Variants in DNTT observed in about 807,000 individuals in gnomAD.
DNTT encodes the protein DNA nucleotidylexotransferase, also known as nucleosidetriphosphate:DNA deoxynucleotidylexotransferase.
Under a neutral mutation model 60.9 loss-of-function variants are expected in DNTT, and 47 were observed. The ratio of observed to expected loss-of-function variants is 0.77; its 90% confidence interval spans 0.61 to 0.98. The LOEUF is 0.98. Among genes scored for constraint, DNTT ranks in the 50% least tolerant of loss-of-function variants. The pLI is 0.00. For missense variants in DNTT, 665 were observed against 627.5 expected (o/e 1.06, Z -0.64); for synonymous variants, 224 against 221.2 (o/e 1.01, Z -0.11).
intron 6 of DNTT, 30 bp from the exon 7 acceptor site, chr10:96,327,438 T>A: frequency 6.2e-7 from 1 of 1,613,950 alleles, no homozygotes; most frequent in Non-Finnish European, 8.5e-7. Context: ...CGTGTCACTC[T>A]CTCCATTGAC....
At chr10:96,325,608 A>G (rs1416674723) in intron 6 of DNTT, among the ~76,000 whole-genome samples, 1 of 152,170 alleles carries the variant, frequency 6.6e-6, no homozygotes, top group African/African-American at 2.4e-5. Flanking sequence ...GAGCTTTTCC[A>G]ACCCTTTGAA....
chr10:96,314,499 G>A (rs189349293), intron 1 of DNTT, among the ~76,000 whole-genome samples: 13 of 133,560 alleles, frequency 9.7e-5, no homozygotes, highest in African/African-American at 2.8e-4. Flanking sequence ...TGCAACCTCC[G>A]CCTCCCAGGT....
At chr10:96,322,252 G>T (rs1291886792) in intron 4 of DNTT, among the ~76,000 whole-genome samples, 1 of 152,166 alleles carries the variant, frequency 6.6e-6, no homozygotes, top group Non-Finnish European at 1.5e-5. Flanking sequence ...CATCACAAGG[G>T]CTTGAATGTA....
chr10:96,309,235 G>A (rs1212347293), intron 1 of DNTT, among the ~76,000 whole-genome samples: 1 of 152,152 alleles, frequency 6.6e-6, no homozygotes, highest in Non-Finnish European at 1.5e-5. Flanking sequence ...GGAAGGCATT[G>A]TCTTCAGTGA....
At chr10:96,307,689 ATG>A (rs71034370) in intron 1 of DNTT, among the ~76,000 whole-genome samples, 63,071 of 108,756 alleles carry the variant, frequency 0.58, 19,565 homozygotes, top group Middle Eastern at 0.75. Context: ...ATATATATGT[ATG>A]TGTGTGTGTG....
At position 96,338,370 on chromosome 10, in the gene DNTT, C is replaced by T. The variant is rs1195836681; in HGVS notation, c.*146C>T. 2.9e-6 allele frequency: 2 copies of T among 686,836 alleles called. No individual in the cohort carries two copies. Among genetic ancestry groups the T allele is most frequent in the Admixed American group, 3.3e-5 (1 of 30,424 alleles). The allele number at this position is 686,836 out of a possible 1,614,324, so 42.5% of individuals were successfully genotyped here. ...TACTAGAAATAAATAACTTTGGAAA[C>T]ATGGGAAGGTGCCACTGGTAATGGG... On this transcript the variant is annotated 3_prime_UTR_variant, in exon 11 of 11. Coordinates refer to ENST00000371174, the MANE Select transcript of DNTT (RefSeq NM_004088.4).
intron 9 of DNTT, among the ~76,000 whole-genome samples, chr10:96,334,460 C>T (rs966001741): frequency 1.3e-5 from 2 of 152,180 alleles, no homozygotes; most frequent in Non-Finnish European, 1.5e-5. Flanking sequence ...AACTAAACAC[C>T]TCACCCTGTT....
chr10:96,304,561 T>C lies in DNTT; in HGVS notation c.64T>C (p.Leu22=), dbSNP rs770974120. 6.2e-7 allele frequency: 1 copy of C among 1,614,144 alleles called. No individual in the cohort carries two copies. The highest frequency in any genetic ancestry group is 1.1e-5 in the South Asian group (1 of 91,082). ...RKKRPRQTGA[L]MASSPQDIKF... ...GAAGAGACCCCGGCAGACGGGTGCC[T>C]TGATGGCCTCCTCTCCTCAAGACAT... Residue 22 remains leucine, a synonymous_variant, in exon 1 of 11, where the codon TTG becomes CTG. Coordinates refer to ENST00000371174, the MANE Select transcript of DNTT (RefSeq NM_004088.4).
intron 1 of DNTT, among the ~76,000 whole-genome samples, chr10:96,314,916 T>C (rs1844770424): frequency 6.6e-6 from 1 of 152,100 alleles, no homozygotes; most frequent in Non-Finnish European, 1.5e-5. Flanking sequence ...CACAAGATAG[T>C]GATAAGAAAG....
At chr10:96,308,847 A>T (rs568339176) in intron 1 of DNTT, among the ~76,000 whole-genome samples, 3 of 152,288 alleles carry the variant, frequency 2.0e-5, no homozygotes, top group East Asian at 1.9e-4. Context: ...GGTGGGGGAG[A>T]TTACAAAATA....
At chr10:96,324,521 C>T in intron 6 of DNTT, 132 bp downstream of exon 6, 5 of 1,372,422 alleles carry the variant, frequency 3.6e-6, no homozygotes, top group African/African-American at 1.4e-5. Context: ...ATGCTTGGAT[C>T]TAAATCCTAG....
At chr10:96,309,413 T>C (rs1232570416) in intron 1 of DNTT, among the ~76,000 whole-genome samples, 1 of 151,962 alleles carries the variant, frequency 6.6e-6, no homozygotes, top group African/African-American at 2.4e-5. Context: ...TGTCATCACC[T>C]GGAATTAAAA....
rs1589375645 is a variant in DNTT, at chr10:96,328,617, C to T, written c.1008-108C>T. The T allele has an allele frequency of 4.7e-6, 5 of 1,063,030 alleles. No homozygotes were observed. In the East Asian group the frequency reaches 7.5e-5, roughly 16 times the overall value. The allele number at this position is 1,063,030 out of a possible 1,614,324, so 65.8% of individuals were successfully genotyped here. ...TGTTTCTTAAAAAAAAGTCAAGAAC[C>T]TTCTATGTTGCAAATCTTAAGCATA... On this transcript the variant is annotated intron_variant, in intron 7 of 10. Coordinates refer to ENST00000371174, the MANE Select transcript of DNTT (RefSeq NM_004088.4).
chr10:96,307,570 G>A (rs1391060524), intron 1 of DNTT, among the ~76,000 whole-genome samples: 1 of 149,556 alleles, frequency 6.7e-6, no homozygotes. Flanking sequence ...TGGCCAGGAT[G>A]GTCTCGATCT....
intron 1 of DNTT, among the ~76,000 whole-genome samples, chr10:96,306,076 G>C (rs1008902892): frequency 6.7e-6 from 1 of 149,692 alleles, no homozygotes; most frequent in Non-Finnish European, 1.5e-5. Flanking sequence ...TATAGGTAAA[G>C]AAGCCAAAAA....
intron 9 of DNTT, among the ~76,000 whole-genome samples, chr10:96,335,145 A>C (rs570431354): frequency 1.3e-5 from 2 of 152,280 alleles, no homozygotes; most frequent in African/African-American, 4.8e-5. Flanking sequence ...AGAGGACAAA[A>C]TTTCTAGATT....
In DNTT at chr10:96,304,531, C is replaced by A. The variant is rs763409269; in HGVS notation, c.34C>A (p.Arg12=). ...ACCACGAGCGTCCCACTTGAGCCCT[C>A]GGAAGAAGAGACCCCGGCAGACGGG... ...DPPRASHLSP[R]KKRPRQTGAL... is the part of the protein sequence containing the mutation. The change falls in exon 1 of 11, where the codon CGG becomes AGG. Residue 12 remains arginine (R), a synonymous_variant. Coordinates refer to ENST00000371174, the MANE Select transcript of DNTT (RefSeq NM_004088.4). 1 of 1,614,002 alleles carries A rather than the reference C, an allele frequency of 6.2e-7. No homozygotes were observed. Among genetic ancestry groups the A allele is most frequent in the East Asian group, 2.2e-5 (1 of 44,866 alleles).
chr10:96,307,771 A>ATT (rs1442892743), intron 1 of DNTT, among the ~76,000 whole-genome samples: 45 of 107,804 alleles, frequency 4.2e-4, no homozygotes, highest in African/African-American at 1.7e-3. Context: ...ATATATATAT[A>ATT]TATATATTTT....
intron 1 of DNTT, among the ~76,000 whole-genome samples, chr10:96,314,781 T>C (rs543963136): frequency 1.5e-4 from 23 of 152,254 alleles, no homozygotes; most frequent in Admixed American, 1.1e-3. Context: ...AATGAAGTGA[T>C]GTATAAAGTG....
Sources: gnomAD v4.1 joint callset for allele counts (sites outside exome capture counted in the v4.1 genomes callset) on GRCh38, gnomAD v4.1.1 for gene constraint, MANE v1.5 for transcripts, NCBI Gene and HGNC (gene_info 2026-07-23, HGNC 2026-07-21) for gene names.